Variants in HMCN1 observed in about 807,000 individuals in gnomAD.
HMCN1 encodes hemicentin-1.
Under a neutral mutation model 625.9 loss-of-function variants are expected in HMCN1, and 321 were observed. The ratio of observed to expected loss-of-function variants is 0.51; its 90% CI spans 0.47 to 0.56. HMCN1 has a LOEUF of 0.56. Among genes scored for constraint, HMCN1 ranks in the 20% least tolerant of loss-of-function variants. The pLI is 0.00. For synonymous variants in HMCN1, 2,425 were observed against 2,417.6 expected, an observed-to-expected ratio of 1.00 and a Z score of -0.09; for missense variants, 6,588 against 6,887.3, an observed-to-expected ratio of 0.96 and a Z score of 1.54.
chr1:186,116,276 T>C (rs966270937), intron 75 of HMCN1, among the ~76,000 whole-genome samples: 3 of 152,126 alleles, frequency 2.0e-5, no homozygotes, highest in African/African-American at 7.2e-5. Context: ...ATTTCTATCA[T>C]GCACAGTGTG....
intron 2 of HMCN1, among the ~76,000 whole-genome samples, chr1:185,862,477 T>G (rs1359331815): frequency 6.6e-6 from 1 of 152,126 alleles, no homozygotes; most frequent in Non-Finnish European, 1.5e-5. Context: ...TCTATGCAGA[T>G]AGCACGGTTA....
At chr1:186,098,015 C>G (rs1419717832) in intron 68 of HMCN1, among the ~76,000 whole-genome samples, 2 of 151,972 alleles carry the variant, frequency 1.3e-5, no homozygotes, top group African/African-American at 4.8e-5. Flanking sequence ...AAATATGAAA[C>G]TAGACCTCTA....
intron 103 of HMCN1, among the ~76,000 whole-genome samples, chr1:186,176,339 C>T (rs1183853209): frequency 6.6e-6 from 1 of 152,184 alleles, no homozygotes; most frequent in East Asian, 1.9e-4. Flanking sequence ...ACCTCTAAAA[C>T]TTATAATGGT....
chr1:186,151,449 G>A (rs1173879283), intron 94 of HMCN1, 100 bp downstream of exon 94: 1 of 1,320,620 alleles, frequency 7.6e-7, no homozygotes, highest in Admixed American at 1.8e-5. Flanking sequence ...TAACTCATAA[G>A]TATGGTAAGC....
intron 81 of HMCN1, among the ~76,000 whole-genome samples, chr1:186,125,073 T>C (rs1372575524): frequency 6.6e-6 from 1 of 152,130 alleles, no homozygotes; most frequent in Non-Finnish European, 1.5e-5. Context: ...CTGAATTAAG[T>C]GTCTTGATCT....
At position 186,107,313 on chromosome 1, in the gene HMCN1, C is replaced by T. The variant is rs111231300; in HGVS notation, c.10852+348C>T. Among the ~76,000 whole-genome samples the T allele has an allele frequency of 4.3e-3, 660 of 152,206 alleles. 14 individuals carry two copies. The highest frequency in any genetic ancestry group is 0.041 in the South Asian group (200 of 4,822). Reference sequence around the variant, plus strand: ...TGATTCTTATATTTGACTAATCAAACGCTGTTGGGGGGCAGTTCATGGATT... The same window carrying T: ...TGATTCTTATATTTGACTAATCAAATGCTGTTGGGGGGCAGTTCATGGATT... On this transcript the variant is annotated intron_variant, in intron 70 of 106. Transcript: ENST00000271588.
intron 2 of HMCN1, among the ~76,000 whole-genome samples, chr1:185,852,620 ACAC>A (rs1662234028): frequency 1.4e-5 from 2 of 140,698 alleles, no homozygotes; most frequent in Admixed American, 1.4e-4. Context: ...ACACACACAC[ACAC>A]ACTTTAAAGG....
At chr1:186,015,585 G>T in intron 31 of HMCN1, 148 bp downstream of exon 31, 1 of 842,364 alleles carries the variant, frequency 1.2e-6, no homozygotes, top group East Asian at 2.6e-5. Context: ...TCCATGATTT[G>T]GAAAAATATT....
chr1:185,754,482 C>A (rs1333208124), intron 1 of HMCN1, among the ~76,000 whole-genome samples: 1 of 151,890 alleles, frequency 6.6e-6, no homozygotes, highest in Non-Finnish European at 1.5e-5. Flanking sequence ...GTTGAGACTT[C>A]TTTGGCCAAC....
intron 97 of HMCN1, among the ~76,000 whole-genome samples, chr1:186,158,618 T>C (rs537706494): frequency 1.3e-5 from 2 of 152,236 alleles, no homozygotes; most frequent in Admixed American, 1.3e-4. Context: ...TTGTATAAGG[T>C]GTAAGGAAGG....
intron 1 of HMCN1, among the ~76,000 whole-genome samples, chr1:185,797,965 CA>C (rs35031310): frequency 0.059 from 808 of 13,622 alleles, no homozygotes; most frequent in African/African-American, 0.23. Context: ...GACTCCGTCT[CA>C]AAAAAAAAAA....
intron 70 of HMCN1, 29 bp downstream of exon 70, chr1:186,106,994 A>G (rs761322499): frequency 1.5e-6 from 2 of 1,321,288 alleles, no homozygotes; most frequent in Admixed American, 1.7e-5. Flanking sequence ...CCTACAGTCT[A>G]TCATACACAC....
rs779179240 is a variant in HMCN1, at chr1:186,001,584, G to T, written c.4201-10G>T. The T allele has an allele frequency of 6.2e-6, 10 of 1,612,738 alleles. No individual in the cohort carries two copies. The East Asian group carries it at 1.8e-4, about 29-fold the overall frequency. On this transcript the variant is annotated splice_polypyrimidine_tract_variant and intron_variant, in intron 27 of 106. Transcript: ENST00000271588. ...ATTGGAAATAACACTGACCATTTTG[G>T]CCCTTAAAGGTGACTGAAAGCAGCA... is the stretch of plus-strand genomic sequence containing the variant.
chr1:186,170,411 C>A (rs752641352), intron 100 of HMCN1, among the ~76,000 whole-genome samples: 8 of 152,074 alleles, frequency 5.3e-5, no homozygotes, highest in Non-Finnish European at 8.8e-5. Context: ...GATCTAGAAC[C>A]AGAAACACCA....
rs527257408 is a variant in HMCN1, at chr1:186,137,937, T to C, written c.13889T>C (p.Val4630Ala). ...HGGRPCEGNAVEIIMCNIRPC... is the reference protein window; with the variant it reads ...HGGRPCEGNAAEIIMCNIRPC... ...GGGCGGCCATGTGAAGGGAATGCTG[T>C]GGAAATAATTATGTGCAACATTAGG... The change falls in exon 89 of 107, where the codon GTG (valine) becomes GCG (alanine). Residue 4630 changes from valine to alanine, a missense_variant. Val to Ala is a moderately conservative substitution (Grantham distance 64). Transcript: ENST00000271588. 2.0e-5 allele frequency: 32 copies of C among 1,613,958 alleles called. No individual in the cohort carries two copies. In the East Asian group the frequency reaches 6.0e-4, roughly 30 times the overall value.
intron 1 of HMCN1, among the ~76,000 whole-genome samples, chr1:185,813,481 T>C (rs1204025123): frequency 6.6e-6 from 1 of 152,130 alleles, no homozygotes; most frequent in Non-Finnish European, 1.5e-5. Context: ...TATACTGCTG[T>C]AGGAGGCTTT....
At chr1:186,183,072 G>T (rs980856679) in intron 105 of HMCN1, among the ~76,000 whole-genome samples, 3 of 152,126 alleles carry the variant, frequency 2.0e-5, no homozygotes, top group African/African-American at 7.2e-5. Flanking sequence ...AGAAACCCTT[G>T]AATTTTGTAG....
intron 4 of HMCN1, among the ~76,000 whole-genome samples, chr1:185,867,010 G>A (rs1663292898): frequency 6.6e-6 from 1 of 151,906 alleles, no homozygotes; most frequent in Non-Finnish European, 1.5e-5. Context: ...AGACTCCTTT[G>A]TGTCTTAAAT....
intron 11 of HMCN1, among the ~76,000 whole-genome samples, chr1:185,937,882 A>AAAT (rs200950894): frequency 0.098 from 13,944 of 142,540 alleles, 717 homozygotes; most frequent in Non-Finnish European, 0.12. Context: ...CTCCATCTCA[A>AAAT]AATAATAATA....
Sources: gnomAD v4.1 joint callset for allele counts (sites outside exome capture counted in the v4.1 genomes callset) on GRCh38, gnomAD v4.1.1 for gene constraint, MANE v1.5 for transcripts, NCBI Gene and HGNC (gene_info 2026-07-23, HGNC 2026-07-21) for gene names.